The following BUB1 variants were observed in gnomAD, a reference collection of about 807,000 sequenced individuals.
BUB1 encodes mitotic checkpoint serine/threonine-protein kinase BUB1.
BUB1 carries 84 observed loss-of-function variants against 135.2 expected under a neutral mutation model. That is an observed-to-expected ratio of 0.62 (90% CI 0.52 to 0.74). BUB1 has a LOEUF of 0.74. Ranked by LOEUF, BUB1 falls within the 30% of genes least tolerant of loss-of-function variation. The pLI is 0.00. For synonymous variants in BUB1, 403 were observed against 434.4 expected (o/e 0.93, Z 0.90); for missense variants, 1,162 against 1,288.3 (o/e 0.90, Z 1.50).
At chr2:110,661,941 A>G (rs1314416793) in intron 9 of BUB1, 100 bp from the exon 10 acceptor site, 10 of 1,411,754 alleles carry the variant, frequency 7.1e-6, no homozygotes, top group East Asian at 2.3e-5. Flanking sequence ...TCTGTCTTCA[A>G]TGGATTCCTT....
rs113082348 is a variant in BUB1 at position 110,655,874 on chromosome 2, C to G, written c.1741G>C (p.Val581Leu). ...GTTTTGTTGCAGCGAATACCCCATA[C>G]AGTTGAGTCATCCAAAAACTCTTCA... is the stretch of plus-strand genomic sequence containing the variant. ...HAEEFLDDST[V>L]WGIRCNKTLA... Residue 581 changes from valine (V) to leucine (L), a missense_variant, in exon 16 of 25, where the codon GTA becomes CTA. Val to Leu is a conservative substitution (Grantham distance 32). Transcript: ENST00000302759. 1.2e-6 allele frequency: 2 copies of G among 1,613,844 alleles called. No homozygotes were observed. Among genetic ancestry groups the G allele is most frequent in the Admixed American group, 3.3e-5 (2 of 60,004 alleles).
In BUB1 at chr2:110,641,746, G is replaced by A. The variant is rs763595804; in HGVS notation, c.2521C>T (p.Leu841=). Residue 841 remains leucine, a synonymous_variant, in exon 21 of 25, where the codon CTA becomes TTA. Coordinates refer to ENST00000302759, the MANE Select transcript of BUB1 (RefSeq NM_004336.5). ...AACATGTGCTGCATAGATGGCTTTA[G>A]TCTTTCCATCAACTGGGTCCCAATG... ...FYIGTQLMER[L]KPSMQHMFMK... 6.2e-7 allele frequency: 1 copy of A among 1,611,182 alleles called. No homozygotes were observed. The highest frequency in any genetic ancestry group is 1.1e-5 in the South Asian group (1 of 91,072).
chr2:110,670,126 GTTTTTTTTTT>G (rs377459142), intron 5 of BUB1, among the ~76,000 whole-genome samples: 4 of 120,860 alleles, frequency 3.3e-5, no homozygotes, highest in African/African-American at 6.1e-5. Flanking sequence ...AATTGGATGG[GTTTTTTTTTT>G]TTTTTTTTTT....
At chr2:110,670,423 C>T in intron 5 of BUB1, 102 bp downstream of exon 5, 1 of 1,359,436 alleles carries the variant, frequency 7.4e-7, no homozygotes, top group Non-Finnish European at 1.0e-6. Flanking sequence ...CAGGTGTGAG[C>T]CACCATGCCC....
chr2:110,659,206 G>C (rs1690013526), intron 11 of BUB1, among the ~76,000 whole-genome samples: 1 of 152,110 alleles, frequency 6.6e-6, no homozygotes, highest in African/African-American at 2.4e-5. Flanking sequence ...TGGTCCCTTT[G>C]CTGTGCTTAG....
In BUB1 at chr2:110,637,994, C is replaced by T. The variant is rs777222739; in HGVS notation, c.3228G>A (p.Leu1076=). The change falls in exon 25 of 25, where the codon CTG becomes CTA. Residue 1076 remains leucine (L), a synonymous_variant. Transcript: ENST00000302759. ...IRALRNRLIV[L]LLECKRSRK Reference sequence around the variant, plus strand: ...TTCGTGAACGCTTACATTCTAAGAGCAGTACAATTAGCCTATTACGTAGGG... The same window carrying T: ...TTCGTGAACGCTTACATTCTAAGAGTAGTACAATTAGCCTATTACGTAGGG... 1 of 1,549,842 alleles carries T rather than the reference C, an allele frequency of 6.5e-7. No homozygotes were observed. Among genetic ancestry groups the T allele is most frequent in the Admixed American group, 2.0e-5 (1 of 49,412 alleles).
chr2:110,649,750 T>G lies in BUB1; in HGVS notation c.2204-373A>C, dbSNP rs1001865619. Reference sequence around the variant, plus strand: ...CTTCTAATGTGCGCAGATAGACACATATTATTTAATTTCTTTTCCACTTAT... The same window carrying G: ...CTTCTAATGTGCGCAGATAGACACAGATTATTTAATTTCTTTTCCACTTAT... On this transcript the variant is annotated intron_variant, in intron 18 of 24. Transcript: ENST00000302759. Among the ~76,000 whole-genome samples the G allele has an allele frequency of 5.9e-5, 9 of 152,340 alleles. No individual in the cohort carries two copies. The South Asian group carries it at 1.5e-3, about 25-fold the overall frequency.
rs779781975 is a variant in BUB1, at chr2:110,650,799, G to A, written c.1965-15C>T. ...CTTGAATTGGACTGGACGTGTGAAAGGAATAAAGAAACCAAAACACCACAT... is the reference window on the plus strand; with the variant it reads ...CTTGAATTGGACTGGACGTGTGAAAAGAATAAAGAAACCAAAACACCACAT... On this transcript the variant is annotated splice_polypyrimidine_tract_variant and intron_variant, in intron 17 of 24. Transcript: ENST00000302759. The A allele has an allele frequency of 6.2e-7, 1 of 1,600,812 alleles. No individual in the cohort carries two copies. The highest frequency in any genetic ancestry group is 2.2e-5 in the East Asian group (1 of 44,662).
In BUB1 at chr2:110,670,383, C is replaced by T. The variant is rs191595211; in HGVS notation, c.466+142G>A. Reference sequence around the variant, plus strand: ...GAACTCCTGACCCCAGGTGATGCACCCATCTTGGCCTCCCAAAGTGCTGGG... The same window carrying T: ...GAACTCCTGACCCCAGGTGATGCACTCATCTTGGCCTCCCAAAGTGCTGGG... On this transcript the variant is annotated intron_variant, in intron 5 of 24. Transcript: ENST00000302759. 141 of 837,746 alleles carry T rather than the reference C, an allele frequency of 1.7e-4. No individual in the cohort carries two copies. The African/African-American group carries it at 2.2e-3, about 13-fold the overall frequency. The allele number at this position is 837,746 out of a possible 1,614,324, so 51.9% of individuals were successfully genotyped here.
At chr2:110,673,101 G>A (rs1690467694) in intron 3 of BUB1, among the ~76,000 whole-genome samples, 1 of 152,188 alleles carries the variant, frequency 6.6e-6, no homozygotes. Context: ...TCATGTCTGT[G>A]TAAGGCACCT....
chr2:110,637,831 G>C lies in BUB1; in HGVS notation c.*133C>G, dbSNP rs1381942412. 4 of 694,038 alleles carry C rather than the reference G, an allele frequency of 5.8e-6. No individual in the cohort carries two copies. Among genetic ancestry groups the C allele is most frequent in the Non-Finnish European group, 8.4e-6 (4 of 475,680 alleles). The allele number at this position is 694,038 out of a possible 1,614,324, so 43.0% of individuals were successfully genotyped here. A position where few individuals can be genotyped will look rare whatever the true frequency, so the allele number is the denominator to read the frequency against. On this transcript the variant is annotated 3_prime_UTR_variant, in exon 25 of 25. Transcript: ENST00000302759. ...TTGTTGAAATATTTATAACAACTAA[G>C]TTACATGGAAATATTCCATGGGATT...
At chr2:110,651,279 C>G (rs1357921273) in intron 17 of BUB1, among the ~76,000 whole-genome samples, 1 of 152,018 alleles carries the variant, frequency 6.6e-6, no homozygotes, top group Non-Finnish European at 1.5e-5. Context: ...ATAATGGAGC[C>G]GAAAACCTCC....
Position 110,677,957 on chromosome 2 carries a change from G to T in BUB1, c.26+13C>A. ...CCCCCTGGGCTTCCCCACCCCACCAGACGGACACTTACTGAAGGACATTTT... is the reference window on the plus strand; with the variant it reads ...CCCCCTGGGCTTCCCCACCCCACCATACGGACACTTACTGAAGGACATTTT... On this transcript the variant is annotated intron_variant, in intron 1 of 24. Transcript: ENST00000302759. 6.2e-7 allele frequency: 1 copy of T among 1,607,984 alleles called. No individual in the cohort carries two copies. Among genetic ancestry groups the T allele is most frequent in the Non-Finnish European group, 8.5e-7 (1 of 1,177,534 alleles).
chr2:110,642,197 T>C lies in BUB1; in HGVS notation c.2385A>G (p.Glu795=). The C allele has an allele frequency of 6.2e-7, 1 of 1,613,706 alleles. No individual in the cohort carries two copies. Among genetic ancestry groups the C allele is most frequent in the Non-Finnish European group, 8.5e-7 (1 of 1,179,786 alleles). The change falls in exon 20 of 25, where the codon GAA becomes GAG. Residue 795 remains glutamate, a synonymous_variant. Transcript: ENST00000302759. ...CTTCGTACACCTGGGCAAAGGCTCC[T>C]TCTCCAAGAAGGTGATGGACATAGA... ...KLVYVHHLLG[E]GAFAQVYEAT... is the part of the protein sequence containing the mutation.
intron 1 of BUB1, among the ~76,000 whole-genome samples, chr2:110,675,599 A>G (rs761049181): frequency 6.6e-6 from 1 of 151,938 alleles, no homozygotes; most frequent in African/African-American, 2.4e-5. Flanking sequence ...TATCTGAGAC[A>G]CTATAAGATT....
chr2:110,664,122 T>A (rs1186390833), intron 9 of BUB1, among the ~76,000 whole-genome samples: 12 of 147,374 alleles, frequency 8.1e-5, no homozygotes, highest in Non-Finnish European at 3.0e-5. Flanking sequence ...AGATAGAAAA[T>A]GGTGAAATTT....
chr2:110,650,499 T>A, intron 18 of BUB1, 47 bp downstream of exon 18: 1 of 1,565,166 alleles, frequency 6.4e-7, no homozygotes, highest in Non-Finnish European at 8.8e-7. Context: ...GCTTTCCCCA[T>A]GCTCCTGTCC....
At chr2:110,669,147 G>A (rs1690348570) in intron 6 of BUB1, among the ~76,000 whole-genome samples, 2 of 152,196 alleles carry the variant, frequency 1.3e-5, no homozygotes, top group South Asian at 4.1e-4. Flanking sequence ...GATTTCCAGA[G>A]CCTATGCAGA....
chr2:110,653,934 GTT>G (rs1163294588), intron 16 of BUB1, among the ~76,000 whole-genome samples: 1 of 152,180 alleles, frequency 6.6e-6, no homozygotes, highest in Non-Finnish European at 1.5e-5. Context: ...GAGCCCAGGA[GTT>G]TGAGGCTGCA....
Sources: gnomAD v4.1 joint callset for allele counts (sites outside exome capture counted in the v4.1 genomes callset) on GRCh38, gnomAD v4.1.1 for gene constraint, MANE v1.5 for transcripts, NCBI Gene and HGNC (gene_info 2026-07-23, HGNC 2026-07-21) for gene names.